Variants in CATSPER3 observed in about 807,000 individuals in gnomAD.
CATSPER3 encodes cation channel sperm-associated protein 3.
Under a neutral mutation model 36.6 loss-of-function variants are expected in CATSPER3, and 23 were observed. The ratio of observed to expected loss-of-function variants is 0.63; its 90% CI spans 0.45 to 0.89. CATSPER3 has a LOEUF of 0.89. CATSPER3 is among the 40% of genes least tolerant of loss of function. The probability of loss-of-function intolerance (pLI) is 0.00; values close to 1 mark genes in which losing one functional copy is unlikely to be tolerated. For synonymous variants in CATSPER3, 172 were observed against 184.1 expected (o/e 0.93, Z 0.53); for missense variants, 474 against 503.9 (o/e 0.94, Z 0.57).
intron 3 of CATSPER3, among the ~76,000 whole-genome samples, chr5:135,006,366 C>T (rs576745029): frequency 2.2e-4 from 34 of 152,294 alleles, no homozygotes; most frequent in Admixed American, 1.3e-3. Context: ...CAGGCCTCTC[C>T]GCAACCCTTC....
chr5:134,981,498 G>A (rs1435927048), intron 2 of CATSPER3, among the ~76,000 whole-genome samples: 3 of 150,948 alleles, frequency 2.0e-5, no homozygotes, highest in Admixed American at 6.6e-5. Context: ...AAAATAAATA[G>A]AAAGAAAATC....
rs1271792270 is a variant in CATSPER3 at position 134,969,757 on chromosome 5, A to G, written c.99-182A>G. ...GTAACTGAGTGAGGACAGAGTATCC[A>G]TGATCATCATATATATGTCAGTGGT... On this transcript the variant is annotated intron_variant, in intron 1 of 7. Coordinates refer to ENST00000282611, the MANE Select transcript of CATSPER3 (RefSeq NM_178019.3). The G allele has an allele frequency of 1.3e-5, 9 of 668,040 alleles. No individual in the cohort carries two copies. In the East Asian group the frequency reaches 2.2e-4, roughly 17 times the overall value. The allele number at this position is 668,040 out of a possible 1,614,324, so 41.4% of individuals were successfully genotyped here. A position where few individuals can be genotyped will look rare whatever the true frequency, so the allele number is the denominator to read the frequency against.
At chr5:134,994,118 C>T (rs895541400) in intron 2 of CATSPER3, among the ~76,000 whole-genome samples, 1 of 152,036 alleles carries the variant, frequency 6.6e-6, no homozygotes, top group Non-Finnish European at 1.5e-5. Context: ...GATTGAGACT[C>T]TGTCTCAAAA....
At chr5:135,011,344 G>A (rs1044106675) in intron 7 of CATSPER3, among the ~76,000 whole-genome samples, 177 bp from the exon 8 acceptor site, 4 of 152,162 alleles carry the variant, frequency 2.6e-5, no homozygotes, top group Admixed American at 1.3e-4. Flanking sequence ...TTTGCTCCAG[G>A]GGGCCCCAGG....
At position 134,984,612 on chromosome 5, in the gene CATSPER3, A is replaced by G. The variant is rs115920609; in HGVS notation, c.253-11661A>G. On this transcript the variant is annotated intron_variant, in intron 2 of 7. Transcript: ENST00000282611. ...CAGAATAGCCATTATTAAGAAGTCA[A>G]AAAGCAACATAGATGTTGGTGTGGT... Among the ~76,000 whole-genome samples, 780 of 152,348 alleles carry G rather than the reference A, an allele frequency of 5.1e-3. 6 individuals are homozygous for G. Among genetic ancestry groups the G allele is most frequent in the African/African-American group, 0.018 (745 of 41,578 alleles).
chr5:134,989,340 G>A (rs941966533), intron 2 of CATSPER3, among the ~76,000 whole-genome samples: 4 of 152,140 alleles, frequency 2.6e-5, no homozygotes, highest in African/African-American at 7.2e-5. Flanking sequence ...TTGAAGCCAG[G>A]CCTTACTTTT....
At position 134,996,434 on chromosome 5, in the gene CATSPER3, G is replaced by C. The variant is rs772494595; in HGVS notation, c.414G>C (p.Gln138His). 1.2e-6 allele frequency: 2 copies of C among 1,614,182 alleles called. No homozygotes were observed. Among genetic ancestry groups the C allele is most frequent in the Non-Finnish European group, 8.5e-7 (1 of 1,179,980 alleles). ...PYALRQLMGKQFTYLYIADGM... is the reference protein window; with the variant it reads ...PYALRQLMGKHFTYLYIADGM... ...CCCTCCGCCAGCTCATGGGCAAACA[G>C]TTCACTTACCTGTATATCGCTGATG... The change falls in exon 3 of 8, where the codon CAG becomes CAC. Residue 138 changes from glutamine (Q) to histidine (H), a missense_variant. Gln to His is a conservative substitution (Grantham distance 24). Transcript: ENST00000282611.
At chr5:135,009,724 C>A (rs781524576) in intron 6 of CATSPER3, among the ~76,000 whole-genome samples, 35 of 152,340 alleles carry the variant, frequency 2.3e-4, no homozygotes, top group Non-Finnish European at 4.4e-4. Flanking sequence ...TATAATGTCT[C>A]CCTCTGTTGT....
intron 3 of CATSPER3, 23 bp downstream of exon 3, chr5:134,996,535 G>T (rs2149550729): frequency 6.2e-7 from 1 of 1,612,324 alleles, no homozygotes; most frequent in South Asian, 1.1e-5. Flanking sequence ...GGGGTGTCAT[G>T]GTGCTGGGAG....
At chr5:135,001,277 C>T (rs1011649362) in intron 3 of CATSPER3, among the ~76,000 whole-genome samples, 2 of 152,152 alleles carry the variant, frequency 1.3e-5, no homozygotes, top group African/African-American at 4.8e-5. Flanking sequence ...ATCCTGAGTT[C>T]TAGTTTGATT....
chr5:135,002,461 G>T (rs1752033235), intron 3 of CATSPER3, among the ~76,000 whole-genome samples: 1 of 152,168 alleles, frequency 6.6e-6, no homozygotes, highest in South Asian at 2.1e-4. Flanking sequence ...TCTTCTCGAG[G>T]AGTATCTTTG....
chr5:134,980,255 T>G (rs1470733565), intron 2 of CATSPER3, among the ~76,000 whole-genome samples: 1 of 151,508 alleles, frequency 6.6e-6, no homozygotes, highest in East Asian at 1.9e-4. Context: ...GCACTGGGGT[T>G]ACAGGCATGA....
intron 3 of CATSPER3, among the ~76,000 whole-genome samples, chr5:135,006,765 G>A (rs1752092601): frequency 6.6e-6 from 1 of 150,852 alleles, no homozygotes; most frequent in African/African-American, 2.5e-5. Context: ...ATGAACCCGG[G>A]AGGCAGAGCT....
intron 2 of CATSPER3, among the ~76,000 whole-genome samples, chr5:134,993,245 C>A (rs1271172178): frequency 1.3e-5 from 2 of 152,122 alleles, no homozygotes; most frequent in African/African-American, 4.8e-5. Context: ...ATATGAGATA[C>A]CTAGAATAGG....
At chr5:135,010,606 T>C (rs954601758) in intron 7 of CATSPER3, 76 bp downstream of exon 7, 4 of 1,330,560 alleles carry the variant, frequency 3.0e-6, no homozygotes, top group African/African-American at 1.5e-5. Context: ...CCTGGGAGAG[T>C]GAAGGGGGTG....
chr5:134,995,731 A>G (rs1751936979), intron 2 of CATSPER3: 1 of 185,222 alleles, frequency 5.4e-6, no homozygotes, highest in Non-Finnish European at 1.2e-5. Context: ...AAACACTTAG[A>G]TGACACAAAG....
chr5:135,010,819 C>T (rs184521046), intron 7 of CATSPER3, among the ~76,000 whole-genome samples: 14 of 152,320 alleles, frequency 9.2e-5, no homozygotes, highest in African/African-American at 2.9e-4. Flanking sequence ...CTCACTAACC[C>T]CTTTTCAGAG....
Position 134,983,098 on chromosome 5 carries a change from C to CA in CATSPER3, c.252+13013dup, listed in dbSNP as rs548468446. Among the ~76,000 whole-genome samples, 15 of 151,572 alleles carry CA rather than the reference C, an allele frequency of 9.9e-5. No individual in the cohort carries two copies. In the South Asian group the frequency reaches 3.1e-3, roughly 32 times the overall value. ...AGAAAGGAATCAAAATGGCACAGTACAAAAAAATCAGGTATATATGCAAAA... is the reference window on the plus strand; with the variant it reads ...AGAAAGGAATCAAAATGGCACAGTACAAAAAAAATCAGGTATATATGCAAAA... On this transcript the variant is annotated intron_variant, in intron 2 of 7. Transcript: ENST00000282611.
At chr5:135,005,062 G>A (rs1752068274) in intron 3 of CATSPER3, among the ~76,000 whole-genome samples, 1 of 152,204 alleles carries the variant, frequency 6.6e-6, no homozygotes, top group Non-Finnish European at 1.5e-5. Flanking sequence ...ACCACACAGG[G>A]AGGAGGGAAG....
Sources: allele counts gnomAD v4.1 joint callset (sites outside exome capture counted in the v4.1 genomes callset), GRCh38; gene constraint gnomAD v4.1.1; transcripts MANE v1.5; gene names NCBI Gene and HGNC (gene_info 2026-07-23, HGNC 2026-07-21).